Variants in SIDT1 observed in about 807,000 individuals in gnomAD.
SIDT1 encodes SID1 transmembrane family member 1.
A neutral mutation model predicts 107.5 loss-of-function variants in SIDT1; 101 were observed. That is an observed-to-expected ratio of 0.94 (90% CI 0.80 to 1.11). The LOEUF (loss-of-function observed/expected upper bound fraction) is 1.11. SIDT1 is among the 50% of genes least tolerant of loss of function. The pLI is 0.00. For synonymous variants in SIDT1, 395 were observed against 398.2 expected (o/e 0.99, Z 0.10); for missense variants, 1,076 against 1,058.2 (o/e 1.02, Z -0.23).
At chr3:113,619,607 C>T in intron 20 of SIDT1, 73 bp from the exon 21 acceptor site, 1 of 1,324,094 alleles carries the variant, frequency 7.6e-7, no homozygotes, top group Non-Finnish European at 1.1e-6. Context: ...ATAGTTGATA[C>T]TTCTACACAG....
intron 17 of SIDT1, among the ~76,000 whole-genome samples, chr3:113,609,615 C>A (rs949277532): frequency 6.6e-6 from 1 of 152,188 alleles, no homozygotes; most frequent in Admixed American, 6.5e-5. Context: ...TGCTGTCTAG[C>A]AAGTAACGAT....
chr3:113,575,931 G>C (rs562698575), intron 3 of SIDT1, among the ~76,000 whole-genome samples: 3 of 152,202 alleles, frequency 2.0e-5, no homozygotes, highest in Non-Finnish European at 4.4e-5. Context: ...GCAGGGGCAC[G>C]CACTCCCAGG....
chr3:113,619,120 C>T lies in SIDT1; in HGVS notation c.2044-560C>T, dbSNP rs114912391. On this transcript the variant is annotated intron_variant, in intron 20 of 24. Transcript: ENST00000264852. Reference sequence around the variant, plus strand: ...GATTATAGGCGTGAGCCACCACACCCGGCCTATTGTCCTTTAAAATTGACC... The same window carrying T: ...GATTATAGGCGTGAGCCACCACACCTGGCCTATTGTCCTTTAAAATTGACC... Among the ~76,000 whole-genome samples, 583 of 152,296 alleles carry T rather than the reference C, an allele frequency of 3.8e-3. 3 individuals carry two copies. Among genetic ancestry groups the T allele is most frequent in the African/African-American group, 0.014 (565 of 41,568 alleles).
At chr3:113,537,869 G>T (rs572732630) in intron 1 of SIDT1, among the ~76,000 whole-genome samples, 57 of 152,262 alleles carry the variant, frequency 3.7e-4, no homozygotes, top group African/African-American at 1.4e-3. Context: ...TGCAACCTCT[G>T]CCTCCCAGGT....
In SIDT1 at chr3:113,583,474, T is replaced by C. The variant is rs1230829140; in HGVS notation, c.813T>C (p.Cys271=). 1.3e-6 allele frequency: 2 copies of C among 1,596,228 alleles called. No individual in the cohort carries two copies. Among genetic ancestry groups the C allele is most frequent in the South Asian group, 1.1e-5 (1 of 88,572 alleles). Reference sequence around the variant, plus strand: ...TGATAAAGCCTGAAGATTATGCCTGTGGAGGATCTTTCTTCATCCAGGGTA... The same window carrying C: ...TGATAAAGCCTGAAGATTATGCCTGCGGAGGATCTTTCTTCATCCAGGGTA... The part of the protein sequence containing the change: ...VFVIKPEDYA[C]GGSFFIQEKE... Residue 271 remains cysteine, a synonymous_variant, in exon 7 of 25, where the codon TGT becomes TGC. Coordinates refer to ENST00000264852, the MANE Select transcript of SIDT1 (RefSeq NM_017699.3).
chr3:113,554,561 T>G (rs150555211), intron 1 of SIDT1, among the ~76,000 whole-genome samples: 2,050 of 152,310 alleles, frequency 0.013, 48 homozygotes, highest in African/African-American at 0.047. Flanking sequence ...GACGTGCCTT[T>G]GCTCCTCCTT....
rs753531157 is a variant in SIDT1, at chr3:113,616,205, C to A, written c.2043+29C>A. The A allele has an allele frequency of 7.8e-6, 12 of 1,543,562 alleles. No individual in the cohort carries two copies. In the South Asian group the frequency reaches 1.0e-4, roughly 13 times the overall value. ...TGTGCATGTTCCTGTGTTCTTTGGC[C>A]CTGTCCCAGAAAGCAGGGGAATAGT... On this transcript the variant is annotated intron_variant, in intron 20 of 24. Coordinates refer to ENST00000264852, the MANE Select transcript of SIDT1 (RefSeq NM_017699.3).
chr3:113,550,195 T>C (rs987117146), intron 1 of SIDT1, among the ~76,000 whole-genome samples: 1 of 152,232 alleles, frequency 6.6e-6, no homozygotes. Flanking sequence ...TGTGTCTCTC[T>C]GCTTCTCCTA....
chr3:113,551,366 A>G (rs1167174544), intron 1 of SIDT1, among the ~76,000 whole-genome samples: 2 of 152,180 alleles, frequency 1.3e-5, no homozygotes, highest in Admixed American at 6.5e-5. Context: ...CACTTAACAA[A>G]GAAGAAAACT....
intron 1 of SIDT1, among the ~76,000 whole-genome samples, chr3:113,543,558 C>G (rs569024900): frequency 2.0e-5 from 3 of 152,082 alleles, no homozygotes; most frequent in African/African-American, 7.2e-5. Flanking sequence ...GGGGATACCT[C>G]GTCAACTTGG....
intron 3 of SIDT1, among the ~76,000 whole-genome samples, chr3:113,576,382 C>A (rs1343907936): frequency 6.6e-6 from 1 of 152,134 alleles, no homozygotes; most frequent in Non-Finnish European, 1.5e-5. Context: ...GGCAGGCAAT[C>A]GGGGAGCTAT....
chr3:113,597,495 CAAAAAAAAAA>C (rs60934363), intron 10 of SIDT1, among the ~76,000 whole-genome samples: 42 of 109,532 alleles, frequency 3.8e-4, no homozygotes, highest in Non-Finnish European at 6.1e-4. Flanking sequence ...GACTCCATCT[CAAAAAAAAAA>C]AAAAAAAAAA....
At chr3:113,605,124 C>CTTTTTTTTTTTTTTTTTTTTTTT (rs5851901) in intron 14 of SIDT1, 148 bp downstream of exon 14, 4 of 288,044 alleles carry the variant, frequency 1.4e-5, no homozygotes, top group African/African-American at 5.3e-5. Flanking sequence ...ATTGCTTCCT[C>CTTTTTTTTTTTTTTTTTTTTTTT]TTTTTTTTTT....
At chr3:113,632,031 T>C (rs1947098579), downstream of SIDT1, among the ~76,000 whole-genome samples, 1 of 152,222 alleles carries the variant, frequency 6.6e-6, no homozygotes, top group South Asian at 2.1e-4. Context: ...TAAGTTTTAT[T>C]CATTTCACTG....
chr3:113,610,881 C>A, intron 17 of SIDT1, 127 bp from the exon 18 acceptor site: 1 of 1,169,006 alleles, frequency 8.6e-7, no homozygotes, highest in Non-Finnish European at 1.2e-6. Context: ...TCCACACAGC[C>A]TGCGGGTAGA....
intron 6 of SIDT1, among the ~76,000 whole-genome samples, chr3:113,582,577 T>G (rs1413472651): frequency 2.0e-5 from 3 of 152,102 alleles, no homozygotes; most frequent in East Asian, 1.9e-4. Context: ...GGACACTAAA[T>G]TCATAAAGGG....
intron 1 of SIDT1, among the ~76,000 whole-genome samples, chr3:113,549,063 G>A (rs1214197829): frequency 2.6e-5 from 4 of 152,066 alleles, no homozygotes; most frequent in African/African-American, 7.2e-5. Flanking sequence ...AGGTTCCTCC[G>A]TGTCTTTTTA....
At chr3:113,622,328 G>A (rs948940141) in intron 21 of SIDT1, among the ~76,000 whole-genome samples, 17 of 151,850 alleles carry the variant, frequency 1.1e-4, no homozygotes, top group Non-Finnish European at 2.2e-4. Context: ...GCTGGGCGTG[G>A]TGGCATGCGT....
chr3:113,604,107 A>C (rs1945156128), intron 13 of SIDT1, 74 bp downstream of exon 13: 1 of 1,064,800 alleles, frequency 9.4e-7, no homozygotes, highest in Non-Finnish European at 1.4e-6. Context: ...ACAACCACTT[A>C]GGCACAAGGT....
Sources: allele counts gnomAD v4.1 joint callset (sites outside exome capture counted in the v4.1 genomes callset), GRCh38; gene constraint gnomAD v4.1.1; transcripts MANE v1.5; gene names NCBI Gene and HGNC (gene_info 2026-07-23, HGNC 2026-07-21).